Variants in RANBP2 observed in about 807,000 individuals in gnomAD.
RANBP2 encodes the protein RAN binding protein 2.
A neutral mutation model predicts 303.6 loss-of-function variants in RANBP2; 57 were observed. The ratio of observed to expected loss-of-function variants is 0.19; its 90% CI spans 0.15 to 0.23. RANBP2 has a LOEUF of 0.23. RANBP2 is among the 10% of genes least tolerant of loss of function. The pLI is 1.00. For synonymous variants in RANBP2, 1,167 were observed against 1,301.5 expected, an observed-to-expected ratio of 0.90 and a Z score of 2.23; for missense variants, 3,138 against 3,780.8, an observed-to-expected ratio of 0.83 and a Z score of 4.46.
chr2:109,598,353 C>G, the RANBP2 span, among the ~76,000 whole-genome samples: 2 of 151,938 alleles, frequency 1.3e-5, no homozygotes, highest in African/African-American at 4.8e-5. Flanking sequence ...TAGGCGTGAG[C>G]CACTGCGCCC....
At chr2:109,524,976 G>A in the RANBP2 span, among the ~76,000 whole-genome samples, 10 of 151,818 alleles carry the variant, frequency 6.6e-5, no homozygotes, top group Admixed American at 2.6e-4. Context: ...GGATTCATCC[G>A]TCCTCTGCAT....
the RANBP2 span, among the ~76,000 whole-genome samples, chr2:109,692,045 G>T: frequency 0.065 from 9,929 of 152,190 alleles, 412 homozygotes; most frequent in Middle Eastern, 0.11. Context: ...GCCTCCTAAA[G>T]TGCTGGGATT....
At chr2:108,813,054 C>T in the RANBP2 span, 1 of 669,268 alleles carries the variant, frequency 1.5e-6, no homozygotes. Context: ...TCGAGACCAT[C>T]CTGGCCAACA....
the RANBP2 span, among the ~76,000 whole-genome samples, chr2:109,404,817 C>CA: frequency 6.6e-6 from 1 of 152,192 alleles, no homozygotes; most frequent in East Asian, 1.9e-4. Flanking sequence ...GACCCAGCCA[C>CA]AGTTACCAAT....
chr2:109,112,662 C>T, the RANBP2 span, among the ~76,000 whole-genome samples: 1 of 151,998 alleles, frequency 6.6e-6, no homozygotes, highest in African/African-American at 2.4e-5. Context: ...TCAATTTTGG[C>T]TTTTGTTGCC....
the RANBP2 span, among the ~76,000 whole-genome samples, chr2:108,909,868 G>T: frequency 6.6e-6 from 1 of 152,328 alleles, no homozygotes; most frequent in African/African-American, 2.4e-5. Context: ...GCCTGGACTC[G>T]GACCCCAGCC....
At chr2:109,187,783 G>A in the RANBP2 span, among the ~76,000 whole-genome samples, 1 of 152,196 alleles carries the variant, frequency 6.6e-6, no homozygotes, top group East Asian at 1.9e-4. Flanking sequence ...ACACAGGTGG[G>A]CTTGCTTCCG....
chr2:108,788,892 G>A (rs780322939), downstream of RANBP2: 2 of 1,613,844 alleles, frequency 1.2e-6, no homozygotes, highest in African/African-American at 1.3e-5. Flanking sequence ...TTGGTTCATC[G>A]TTAAAATATT....
the RANBP2 span, among the ~76,000 whole-genome samples, chr2:109,492,698 G>A: frequency 1.3e-5 from 2 of 152,172 alleles, no homozygotes; most frequent in Non-Finnish European, 2.9e-5. Flanking sequence ...TAGTGGCCAA[G>A]CCAGAGATTC....
the RANBP2 span, among the ~76,000 whole-genome samples, chr2:109,415,476 G>A: frequency 1.1e-3 from 174 of 152,176 alleles, 1 homozygote; most frequent in African/African-American, 2.9e-3. Context: ...CTACAGTCGC[G>A]GCTGCTATTC....
the RANBP2 span, among the ~76,000 whole-genome samples, chr2:109,528,591 GAATC>G: frequency 6.6e-6 from 1 of 152,190 alleles, no homozygotes; most frequent in Non-Finnish European, 1.5e-5. Context: ...AGAAGGGAAG[GAATC>G]AGGCCCAGGA....
At chr2:109,104,490 CT>C in the RANBP2 span, among the ~76,000 whole-genome samples, 37 of 144,724 alleles carry the variant, frequency 2.6e-4, no homozygotes, top group East Asian at 2.1e-4. Context: ...TTTTATGTTT[CT>C]TTTTTTTTTT....
At chr2:109,615,860 G>A in the RANBP2 span, 1 of 1,613,998 alleles carries the variant, frequency 6.2e-7, no homozygotes. Context: ...AGGATCCAGG[G>A]CGCAAAGCCT....
chr2:108,748,296 C>T (rs1319822334), intron 8 of RANBP2, among the ~76,000 whole-genome samples: 2 of 151,644 alleles, frequency 1.3e-5, no homozygotes, highest in African/African-American at 4.8e-5. Context: ...CAAGCTCCAC[C>T]TCCTGGGTTC....
the RANBP2 span, among the ~76,000 whole-genome samples, chr2:109,300,268 C>T: frequency 2.0e-5 from 3 of 152,158 alleles, no homozygotes; most frequent in African/African-American, 4.8e-5. Context: ...GAACCTCCAC[C>T]TCCAGGGTTC....
At chr2:109,202,934 G>A in the RANBP2 span, among the ~76,000 whole-genome samples, 13 of 152,242 alleles carry the variant, frequency 8.5e-5, no homozygotes. Flanking sequence ...TGTCATGGAA[G>A]GAATGCAAAC....
At chr2:109,167,912 G>A in the RANBP2 span, among the ~76,000 whole-genome samples, 1 of 152,158 alleles carries the variant, frequency 6.6e-6, no homozygotes, top group African/African-American at 2.4e-5. Context: ...GCTTCATCAG[G>A]TAAGGAGCTA....
At chr2:109,027,287 G>A in the RANBP2 span, among the ~76,000 whole-genome samples, 3 of 149,676 alleles carry the variant, frequency 2.0e-5, no homozygotes, top group Non-Finnish European at 4.4e-5. Context: ...AAGACTTCTT[G>A]AAGGAGGGTG....
chr2:109,378,963 C>G, the RANBP2 span, among the ~76,000 whole-genome samples: 3 of 152,336 alleles, frequency 2.0e-5, no homozygotes, highest in Middle Eastern at 3.4e-3. Context: ...CAGCTCCCTC[C>G]TCTCCAGAAC....
Sources: allele counts gnomAD v4.1 joint callset (sites outside exome capture counted in the v4.1 genomes callset), GRCh38; gene constraint gnomAD v4.1.1; transcripts MANE v1.5; gene names NCBI Gene and HGNC (gene_info 2026-07-23, HGNC 2026-07-21).